Variants in PLEKHD1 observed in about 807,000 individuals in gnomAD.
The protein encoded by PLEKHD1 is pleckstrin homology and coiled-coil domain containing D1.
In PLEKHD1, 51 loss-of-function variants were observed where a neutral mutation model predicts 69.2. That is an observed-to-expected ratio of 0.74 (90% CI 0.59 to 0.93). The LOEUF (loss-of-function observed/expected upper bound fraction) is 0.93, where lower values mean the gene tolerates loss of function less well. PLEKHD1 is among the 40% of genes least tolerant of loss of function. PLEKHD1 has a pLI of 0.00. For missense variants in PLEKHD1, 584 were observed against 641.0 expected (o/e 0.91, Z 0.96); for synonymous variants, 236 against 244.7 (o/e 0.96, Z 0.33).
upstream of PLEKHD1, among the ~76,000 whole-genome samples, chr14:69,482,152 A>G (rs1422643133): frequency 1.3e-5 from 2 of 152,218 alleles, no homozygotes; most frequent in African/African-American, 2.4e-5. Context: ...TCCTGTATGC[A>G]GAGGGAATAG....
At chr14:69,473,227 A>T in the PLEKHD1 span, among the ~76,000 whole-genome samples, 1 of 152,210 alleles carries the variant, frequency 6.6e-6, no homozygotes, top group Non-Finnish European at 1.5e-5. Context: ...ATTGTCTTGC[A>T]TGAAACTGGT....
intron 5 of PLEKHD1, 45 bp from the exon 6 acceptor site, chr14:69,502,782 T>C: frequency 7.7e-6 from 12 of 1,550,574 alleles, no homozygotes; most frequent in Non-Finnish European, 1.0e-5. Context: ...TCAGAGCACT[T>C]TCCTGATTGT....
intron 1 of PLEKHD1, among the ~76,000 whole-genome samples, chr14:69,485,733 G>T (rs1213186112): frequency 6.6e-6 from 1 of 152,210 alleles, no homozygotes; most frequent in African/African-American, 2.4e-5. Flanking sequence ...AGATTCTAGT[G>T]CTTCAGACGG....
chr14:69,528,316 TG>T lies in PLEKHD1; in HGVS notation c.1420del (p.Ala474ProfsTer122), dbSNP rs1566567845. ...AACAACATGGAGGAGCTAAAGGAGGTGGCCAAGCGGCTCAGCAGGGACCAGC... is the reference window on the plus strand; with the variant it reads ...AACAACATGGAGGAGCTAAAGGAGGTGCCAAGCGGCTCAGCAGGGACCAGC... Reference protein sequence around the residue: ...DANNMEELKEVAKRLSRDQRF... With the variant: ...DANNMEELKEXAKRLSRDQRF... On this transcript the variant is annotated frameshift_variant, in exon 13 of 13. Transcript: ENST00000322564. LOFTEE classifies it high-confidence loss of function. 6.4e-7 allele frequency: 1 copy of T among 1,551,452 alleles called. No homozygotes were observed. The highest frequency in any genetic ancestry group is 8.7e-7 in the Non-Finnish European group (1 of 1,146,958).
At chr14:69,496,560 C>G (rs1428625063) in intron 1 of PLEKHD1, among the ~76,000 whole-genome samples, 1 of 152,086 alleles carries the variant, frequency 6.6e-6, no homozygotes, top group Admixed American at 6.5e-5. Context: ...GGGTCTTGAT[C>G]TGTCACCCAG....
intron 6 of PLEKHD1, among the ~76,000 whole-genome samples, chr14:69,512,968 TA>T (rs1425007442): frequency 6.6e-6 from 1 of 151,664 alleles, no homozygotes; most frequent in African/African-American, 2.4e-5. Flanking sequence ...CATATGCCTG[TA>T]GTCCTCGCCA....
chr14:69,488,974 T>C (rs926458126), intron 1 of PLEKHD1, among the ~76,000 whole-genome samples: 1 of 151,496 alleles, frequency 6.6e-6, no homozygotes, highest in African/African-American at 2.4e-5. Flanking sequence ...ATGGGCACAC[T>C]CTCTGGATCA....
intron 6 of PLEKHD1, among the ~76,000 whole-genome samples, chr14:69,518,772 G>C (rs760561192): frequency 1.3e-5 from 2 of 152,128 alleles, no homozygotes; most frequent in African/African-American, 2.4e-5. Context: ...GCCTCAAGGG[G>C]GATAAGCCGG....
the PLEKHD1 span, among the ~76,000 whole-genome samples, chr14:69,472,441 T>C: frequency 2.0e-5 from 3 of 152,170 alleles, no homozygotes; most frequent in Admixed American, 6.5e-5. Context: ...CTGTAACCTG[T>C]CCCCACCCCC....
intron 1 of PLEKHD1, among the ~76,000 whole-genome samples, chr14:69,498,057 A>ATTTAT (rs778122389): frequency 0.093 from 11,546 of 124,524 alleles, 707 homozygotes; most frequent in East Asian, 0.13. Flanking sequence ...ATTTTATTTT[A>ATTTAT]TTTATTTTAT....
At chr14:69,494,648 C>T (rs996907497) in intron 1 of PLEKHD1, among the ~76,000 whole-genome samples, 3 of 152,250 alleles carry the variant, frequency 2.0e-5, no homozygotes, top group Non-Finnish European at 2.9e-5. Context: ...CCATCTCTCG[C>T]CCTTGGGCCG....
chr14:69,490,018 C>T (rs1383997809), intron 1 of PLEKHD1, among the ~76,000 whole-genome samples: 3 of 152,126 alleles, frequency 2.0e-5, no homozygotes, highest in African/African-American at 7.2e-5. Context: ...AGGCATGTAC[C>T]ACCATGCCCG....
chr14:69,498,594 T>TTCTCTTCTCTTCTCTTCTCTTCCCG (rs1882945225), intron 1 of PLEKHD1, among the ~76,000 whole-genome samples: 1 of 71,780 alleles, frequency 1.4e-5, no homozygotes, highest in Non-Finnish European at 3.0e-5. Context: ...TTGTTTTCTC[T>TTCTCTTCTCTTCTCTTCTCTTCCCG]TCTCTTCTCT....
intron 1 of PLEKHD1, among the ~76,000 whole-genome samples, chr14:69,491,049 C>A (rs1882767222): frequency 6.6e-6 from 1 of 152,206 alleles, no homozygotes; most frequent in Non-Finnish European, 1.5e-5. Context: ...GGTCCCAAGA[C>A]CAAATCCCAT....
At chr14:69,485,274 C>G (rs1323994021) in intron 1 of PLEKHD1, among the ~76,000 whole-genome samples, 160 bp downstream of exon 1, 1 of 152,204 alleles carries the variant, frequency 6.6e-6, no homozygotes, top group Non-Finnish European at 1.5e-5. Flanking sequence ...AAATGTGGAC[C>G]ATAGTCTGGG....
intron 6 of PLEKHD1, among the ~76,000 whole-genome samples, chr14:69,520,359 T>G (rs2139526165): frequency 6.6e-6 from 1 of 152,142 alleles, no homozygotes; most frequent in Admixed American, 6.5e-5. Flanking sequence ...TTTATCATCA[T>G]AAGCAATATC....
At chr14:69,501,242 T>C in intron 4 of PLEKHD1, 1 of 483,628 alleles carries the variant, frequency 2.1e-6, no homozygotes, top group Non-Finnish European at 3.8e-6. Flanking sequence ...CCCAGGCCCA[T>C]AATTAATTCT....
At position 69,496,702 on chromosome 14, in the gene PLEKHD1, A is replaced by ATTTTTTTTTT. The variant is rs375368521; in HGVS notation, c.150-3400_150-3391dup. 3.8e-4 allele frequency among the ~76,000 whole-genome samples: 43 copies of ATTTTTTTTTT among 112,914 alleles called. 1 individual carries two copies. Among genetic ancestry groups the ATTTTTTTTTT allele is most frequent in the Middle Eastern group, 4.9e-3 (1 of 206 alleles). The allele number at this position is 112,914 out of a possible 152,430, so 74.1% of individuals were successfully genotyped here. A position where few individuals can be genotyped will look rare whatever the true frequency, so the allele number is the denominator to read the frequency against. Reference sequence around the variant, plus strand: ...AGGCATGTACCACCATGCCCAGCTAATTTTTTTTTTTTTTTTTTTTTTAAT... The same window carrying ATTTTTTTTTT: ...AGGCATGTACCACCATGCCCAGCTAATTTTTTTTTTTTTTTTTTTTTTTTTTTTTTTTAAT... On this transcript the variant is annotated intron_variant, in intron 1 of 12. Coordinates refer to ENST00000322564, the MANE Select transcript of PLEKHD1 (RefSeq NM_001161498.2).
the PLEKHD1 span, among the ~76,000 whole-genome samples, chr14:69,472,947 C>T: frequency 6.6e-6 from 1 of 152,280 alleles, no homozygotes; most frequent in African/African-American, 2.4e-5. Flanking sequence ...ATGAACCCTA[C>T]TGTGAACTGC....
Sources: allele counts gnomAD v4.1 joint callset (sites outside exome capture counted in the v4.1 genomes callset), GRCh38; gene constraint gnomAD v4.1.1; transcripts MANE v1.5; gene names NCBI Gene and HGNC (gene_info 2026-07-23, HGNC 2026-07-21).